The following NUBPL variants were observed in gnomAD, a reference collection of about 807,000 sequenced individuals.
NUBPL encodes NUBP iron-sulfur cluster assembly factor, mitochondrial.
Under a neutral mutation model 45.7 loss-of-function variants are expected in NUBPL, and 31 were observed. The observed-to-expected ratio is 0.68, with a 90% CI of 0.51 to 0.92. NUBPL has a LOEUF of 0.92. NUBPL is among the 40% of genes least tolerant of loss of function. The pLI is 0.00. For missense variants in NUBPL, 401 were observed against 398.7 expected, an observed-to-expected ratio of 1.01 and a Z score of -0.05; for synonymous variants, 144 against 140.9, an observed-to-expected ratio of 1.02 and a Z score of -0.15.
chr14:31,665,415 A>G (rs942382267), intron 4 of NUBPL, among the ~76,000 whole-genome samples: 2 of 152,200 alleles, frequency 1.3e-5, no homozygotes, highest in African/African-American at 4.8e-5. Flanking sequence ...AGATTCTGGT[A>G]CATTGTATCT....
intron 6 of NUBPL, among the ~76,000 whole-genome samples, chr14:31,751,576 G>A (rs2038530438): frequency 6.6e-6 from 1 of 152,246 alleles, no homozygotes; most frequent in African/African-American, 2.4e-5. Flanking sequence ...GGCTTGGCCA[G>A]CTCTGCCCCT....
At chr14:31,692,094 G>A (rs571581849) in intron 6 of NUBPL, among the ~76,000 whole-genome samples, 3 of 152,262 alleles carry the variant, frequency 2.0e-5, no homozygotes, top group East Asian at 1.9e-4. Context: ...ATGCTAGGAT[G>A]TTATTTTGAG....
At chr14:31,630,689 G>A (rs1269174623) in intron 4 of NUBPL, among the ~76,000 whole-genome samples, 1 of 152,154 alleles carries the variant, frequency 6.6e-6, no homozygotes, top group African/African-American at 2.4e-5. Context: ...TGGGTCCAGA[G>A]CAGCCTTTAG....
chr14:31,799,558 A>T (rs1369165875), intron 7 of NUBPL, among the ~76,000 whole-genome samples: 1 of 152,246 alleles, frequency 6.6e-6, no homozygotes, highest in African/African-American at 2.4e-5. Flanking sequence ...ATCGTAATCA[A>T]GCAAGTTGCA....
intron 7 of NUBPL, among the ~76,000 whole-genome samples, chr14:31,797,683 T>C (rs2039489913): frequency 7.3e-6 from 1 of 137,816 alleles, no homozygotes; most frequent in Non-Finnish European, 1.5e-5. Context: ...CTTGACTCTT[T>C]ATCCAACTTG....
intron 3 of NUBPL, among the ~76,000 whole-genome samples, chr14:31,589,539 A>C (rs2034087055): frequency 6.6e-6 from 1 of 152,222 alleles, no homozygotes. Context: ...TCACATATTA[A>C]AATGAAAGAT....
rs1379729259 is a variant in NUBPL at position 31,825,724 on chromosome 14, TTCA to T, written c.608-899_608-897del. 4.0e-5 allele frequency among the ~76,000 whole-genome samples: 6 copies of T among 151,354 alleles called. No homozygotes were observed. In the South Asian group the frequency reaches 6.3e-4, roughly 16 times the overall value. On this transcript the variant is annotated intron_variant, in intron 7 of 10. Coordinates refer to ENST00000281081, the MANE Select transcript of NUBPL (RefSeq NM_025152.3). ...CTTCATCTTCCTCTTTTTCCTCTCC[TTCA>T]TCATCTTCTTCATTGTCATCTTCTT...
At chr14:31,697,642 G>T (rs1361076691) in intron 6 of NUBPL, among the ~76,000 whole-genome samples, 1 of 152,174 alleles carries the variant, frequency 6.6e-6, no homozygotes, top group Non-Finnish European at 1.5e-5. Context: ...AACTGGAAAG[G>T]CATGACTTCA....
In NUBPL at chr14:31,841,917, C is replaced by CTTTTGTTT; in HGVS notation, c.694-4550_694-4549insGTTTTTTT. On this transcript the variant is annotated intron_variant, in intron 8 of 10. Coordinates refer to ENST00000281081, the MANE Select transcript of NUBPL (RefSeq NM_025152.3). ...CTTTCATGTATGGGTCGATTCTGGG[C>CTTTTGTTT]TTTTTTTTTTTTTTTTTTTTTTTTT... Among the ~76,000 whole-genome samples, 283 of 43,028 alleles carry CTTTTGTTT rather than the reference C, an allele frequency of 6.6e-3. 18 individuals carry two copies. The highest frequency in any genetic ancestry group is 0.011 in the African/African-American group (114 of 10,808). 28.2% of individuals were successfully genotyped at this position (43,028 alleles called of 152,430 possible). A position where few individuals can be genotyped will look rare whatever the true frequency, so the allele number is the denominator to read the frequency against.
At chr14:31,761,657 A>T (rs1180999523) in intron 6 of NUBPL, among the ~76,000 whole-genome samples, 1 of 152,150 alleles carries the variant, frequency 6.6e-6, no homozygotes, top group Non-Finnish European at 1.5e-5. Context: ...TTAATAATAT[A>T]TTGTGATCAG....
chr14:31,607,234 T>C (rs937288196), intron 4 of NUBPL, among the ~76,000 whole-genome samples: 2 of 151,798 alleles, frequency 1.3e-5, no homozygotes, highest in East Asian at 1.9e-4. Flanking sequence ...ACAAAAAAAT[T>C]TGGCTGGGCG....
chr14:31,609,484 T>C (rs1393618836), intron 4 of NUBPL, among the ~76,000 whole-genome samples: 1 of 152,280 alleles, frequency 6.6e-6, no homozygotes, highest in African/African-American at 2.4e-5. Context: ...ACCTGGAGAC[T>C]TCAATACCCC....
intron 6 of NUBPL, among the ~76,000 whole-genome samples, chr14:31,718,951 A>T (rs1218702589): frequency 1.3e-5 from 2 of 152,212 alleles, no homozygotes; most frequent in Non-Finnish European, 2.9e-5. Flanking sequence ...TTTATGATGA[A>T]GTTATGTCTC....
intron 7 of NUBPL, among the ~76,000 whole-genome samples, chr14:31,815,469 T>C (rs1194440343): frequency 6.6e-6 from 1 of 152,220 alleles, no homozygotes; most frequent in East Asian, 1.9e-4. Context: ...TATATAATCA[T>C]GTCATCTGCA....
At chr14:31,613,630 G>T (rs1054600008) in intron 4 of NUBPL, among the ~76,000 whole-genome samples, 1 of 151,970 alleles carries the variant, frequency 6.6e-6, no homozygotes, top group Admixed American at 6.6e-5. Flanking sequence ...GCTAATTTTT[G>T]TATTTTTAGT....
At chr14:31,831,052 ATTTATTTT>A (rs1049167986) in intron 8 of NUBPL, among the ~76,000 whole-genome samples, 47 of 151,626 alleles carry the variant, frequency 3.1e-4, no homozygotes, top group Admixed American at 1.1e-3. Context: ...TTATTTATTT[ATTTATTTT>A]TTTGAGACAG....
In NUBPL at chr14:31,666,729, T is replaced by C. The variant is rs2036439771; in HGVS notation, c.383-6626T>C. Among the ~76,000 whole-genome samples, 2 of 152,198 alleles carry C rather than the reference T, an allele frequency of 1.3e-5. 1 individual carries two copies. The highest frequency in any genetic ancestry group is 4.1e-4 in the South Asian group (2 of 4,830). On this transcript the variant is annotated intron_variant, in intron 4 of 10. Coordinates refer to ENST00000281081, the MANE Select transcript of NUBPL (RefSeq NM_025152.3). The stretch of plus-strand genomic sequence containing the variant: ...CATATTTAGTGCTTCCTTCAGGAGC[T>C]CTTGTACAGCAGGCCTGGTGGTGAC...
intron 6 of NUBPL, among the ~76,000 whole-genome samples, chr14:31,780,238 A>AT (rs34217015): frequency 0.39 from 57,779 of 146,488 alleles, 12,579 homozygotes; most frequent in East Asian, 0.61. Flanking sequence ...AATTTTTTGT[A>AT]TTTTTTTTTT....
chr14:31,632,371 C>G (rs1036365670), intron 4 of NUBPL, among the ~76,000 whole-genome samples: 3 of 152,120 alleles, frequency 2.0e-5, no homozygotes, highest in Non-Finnish European at 4.4e-5. Context: ...AGAGAGGAAG[C>G]CAGGAAATTA....
Sources: allele counts gnomAD v4.1 joint callset (sites outside exome capture counted in the v4.1 genomes callset), GRCh38; gene constraint gnomAD v4.1.1; transcripts MANE v1.5; gene names NCBI Gene and HGNC (gene_info 2026-07-23, HGNC 2026-07-21).